ARHGEF6: variants seen among roughly 807,000 people sequenced by gnomAD.
ARHGEF6 encodes rho guanine nucleotide exchange factor 6.
Under a neutral mutation model 70.3 loss-of-function variants are expected in ARHGEF6, and 9 were observed. That is an observed-to-expected ratio of 0.13 (90% CI 0.08 to 0.22). The LOEUF (loss-of-function observed/expected upper bound fraction) is 0.22, where lower values mean the gene tolerates loss of function less well. Among genes scored for constraint, ARHGEF6 ranks in the 10% least tolerant of loss-of-function variants. The probability of loss-of-function intolerance (pLI) is 1.00; values close to 1 mark genes in which losing one functional copy is unlikely to be tolerated. For synonymous variants in ARHGEF6, 201 were observed against 207.8 expected, an observed-to-expected ratio of 0.97 and a Z score of 0.28; for missense variants, 470 against 563.0, an observed-to-expected ratio of 0.83 and a Z score of 1.67.
intron 6 of ARHGEF6, among the ~76,000 whole-genome samples, chrX:136,724,314 G>A (rs779204309): frequency 1.4e-4 from 15 of 110,054 alleles, no homozygotes; most frequent in Admixed American, 6.7e-4. Flanking sequence ...TCCTGACCTC[G>A]TGATCCACCC....
chrX:136,745,945 C>T (rs761128997), intron 3 of ARHGEF6, among the ~76,000 whole-genome samples: 33 of 111,985 alleles, frequency 2.9e-4, no homozygotes, highest in Non-Finnish European at 2.3e-4. Flanking sequence ...TTGTGAAATT[C>T]GACCAGGCCA....
intron 6 of ARHGEF6, among the ~76,000 whole-genome samples, chrX:136,727,373 C>CTT (rs1444158656): frequency 1.4e-5 from 1 of 70,077 alleles, no homozygotes; most frequent in Non-Finnish European, 2.6e-5. Context: ...TTCTTTCTTT[C>CTT]TTTCTTTCTT....
chrX:136,755,541 G>C (rs1041414503), intron 2 of ARHGEF6, among the ~76,000 whole-genome samples: 20 of 111,541 alleles, frequency 1.8e-4, no homozygotes, highest in African/African-American at 6.5e-4. Context: ...ATTTACAGCA[G>C]AGACTGGTGG....
chrX:136,733,542 T>G (rs983571531), intron 5 of ARHGEF6, among the ~76,000 whole-genome samples: 12 of 111,972 alleles, frequency 1.1e-4, no homozygotes, highest in Admixed American at 4.7e-4. Flanking sequence ...CTTTCTAACC[T>G]TACCTGCAGT....
intron 10 of ARHGEF6, among the ~76,000 whole-genome samples, chrX:136,689,268 A>G (rs1216525787): frequency 1.8e-5 from 2 of 111,763 alleles, no homozygotes; most frequent in Non-Finnish European, 3.8e-5. Context: ...TTTTCTGATG[A>G]TGGGAAATGA....
At chrX:136,776,953 G>A (rs762359128) in intron 2 of ARHGEF6, among the ~76,000 whole-genome samples, 13 of 111,509 alleles carry the variant, frequency 1.2e-4, no homozygotes, top group Non-Finnish European at 1.9e-4. Context: ...GGCCGGGTGC[G>A]GTGGCTCACG....
chrX:136,776,148 T>C (rs2077402870), intron 2 of ARHGEF6, among the ~76,000 whole-genome samples: 1 of 111,046 alleles, frequency 9.0e-6, no homozygotes, highest in African/African-American at 3.3e-5. Context: ...GCAATTCCCA[T>C]CAAAATACCA....
At chrX:136,711,222 A>G (rs2076681440) in intron 7 of ARHGEF6, among the ~76,000 whole-genome samples, 1 of 112,016 alleles carries the variant, frequency 8.9e-6, no homozygotes, top group African/African-American at 3.3e-5. Context: ...TTGATCACTA[A>G]TCAGTCCCTC....
chrX:136,743,448 G>T, intron 5 of ARHGEF6, 137 bp downstream of exon 5: 2 of 576,267 alleles, frequency 3.5e-6, no homozygotes, highest in Admixed American at 3.1e-5. Context: ...TCCCAGTTCT[G>T]TTCTACTCTT....
intron 15 of ARHGEF6, among the ~76,000 whole-genome samples, chrX:136,680,197 T>C (rs1358491904): frequency 8.9e-6 from 1 of 112,626 alleles, no homozygotes; most frequent in Non-Finnish European, 1.9e-5. Flanking sequence ...CAGCATATCT[T>C]CCATCTCACT....
At chrX:136,686,641 T>C (rs192633652) in intron 11 of ARHGEF6, among the ~76,000 whole-genome samples, 715 of 66,753 alleles carry the variant, frequency 0.011, 13 homozygotes, top group African/African-American at 0.045. Context: ...TATATATATA[T>C]ACACACATAT....
chrX:136,756,622 T>C (rs1247378463), intron 2 of ARHGEF6, among the ~76,000 whole-genome samples: 1 of 111,753 alleles, frequency 8.9e-6, no homozygotes, highest in Admixed American at 9.5e-5. Context: ...AGGGGTAACG[T>C]GTAATTGGAA....
chrX:136,691,557 C>T (rs1179344185), intron 9 of ARHGEF6, among the ~76,000 whole-genome samples: 1 of 111,940 alleles, frequency 8.9e-6, no homozygotes, highest in Admixed American at 9.4e-5. Context: ...AGGAGGAAAC[C>T]TACTGCCTAA....
chrX:136,693,634 C>T (rs1281748457), intron 9 of ARHGEF6, among the ~76,000 whole-genome samples: 7 of 112,010 alleles, frequency 6.2e-5, no homozygotes, highest in African/African-American at 2.3e-4. Context: ...AAACAACATA[C>T]ATTTATTTCA....
At chrX:136,729,467 C>CAAAA (rs749398050) in intron 6 of ARHGEF6, among the ~76,000 whole-genome samples, 51 of 12,397 alleles carry the variant, frequency 4.1e-3, no homozygotes, top group African/African-American at 8.5e-3. Context: ...GACTCCATCT[C>CAAAA]AAAAAAAAAA....
intron 5 of ARHGEF6, among the ~76,000 whole-genome samples, chrX:136,736,927 C>T (rs993136727): frequency 9.0e-6 from 1 of 111,500 alleles, no homozygotes; most frequent in Non-Finnish European, 1.9e-5. Flanking sequence ...CAGCAATCTG[C>T]AGGGTGAGGG....
At chrX:136,738,480 A>G (rs998073364) in intron 5 of ARHGEF6, among the ~76,000 whole-genome samples, 1 of 112,480 alleles carries the variant, frequency 8.9e-6, no homozygotes, top group Non-Finnish European at 1.9e-5. Context: ...GACAGTATAC[A>G]AAGATGAACA....
rs1569410962 is a variant in ARHGEF6, at chrX:136,727,381, CTTTCTTTCTT to C, written c.732+4711_732+4720del. Among the ~76,000 whole-genome samples the C allele has an allele frequency of 2.7e-3, 197 of 72,671 alleles. 1 individual carries two copies. Among genetic ancestry groups the C allele is most frequent in the African/African-American group, 0.01 (184 of 18,220 alleles). 63.1% of individuals were successfully genotyped at this position (72,671 alleles called of 115,157 possible). A position where few individuals can be genotyped will look rare whatever the true frequency, so the allele number is the denominator to read the frequency against. ...TCTTTCTTTCTTTCTTTCTTTCTTT[CTTTCTTTCTT>C]TCTTTCTCTCTCTCTCTCTCTCTTT... On this transcript the variant is annotated intron_variant, in intron 6 of 21. Coordinates refer to ENST00000250617, the MANE Select transcript of ARHGEF6 (RefSeq NM_004840.3).
chrX:136,672,310 G>A (rs915186034), intron 19 of ARHGEF6, among the ~76,000 whole-genome samples, 191 bp from the exon 20 acceptor site: 5 of 111,468 alleles, frequency 4.5e-5, no homozygotes, highest in African/African-American at 1.6e-4. Context: ...ATTCTAAATG[G>A]CCAAATACAC....
Sources: allele counts gnomAD v4.1 joint callset (sites outside exome capture counted in the v4.1 genomes callset), GRCh38; gene constraint gnomAD v4.1.1; transcripts MANE v1.5; gene names NCBI Gene and HGNC (gene_info 2026-07-23, HGNC 2026-07-21).